The following HELZ2 variants were observed in gnomAD, a reference collection of about 807,000 sequenced individuals.
HELZ2 encodes the protein helicase with zinc finger 2, also known as 3'-5' exoribonuclease HELZ2.
HELZ2 carries 143 observed loss-of-function variants against 208.8 expected under a neutral mutation model. That is an observed-to-expected ratio of 0.68 (90% confidence interval 0.60 to 0.79). The LOEUF is 0.79. HELZ2 is among the 30% of genes least tolerant of loss of function. The pLI is 0.00. For missense variants in HELZ2, 3,690 were observed against 3,794.5 expected (o/e 0.97, Z 0.72); for synonymous variants, 1,705 against 1,693.7 (o/e 1.01, Z -0.16).
At chr20:63,570,431 T>G in intron 3 of HELZ2, 73 bp downstream of exon 4, 6 of 1,239,516 alleles carry the variant, frequency 4.8e-6, no homozygotes, top group Non-Finnish European at 2.3e-6. Context: ...CCCAGGCTGT[T>G]GACGTCTGCC....
chr20:63,563,509 G>C, exon 8 of HELZ2: 3 of 1,514,500 alleles, frequency 2.0e-6, no homozygotes, highest in Non-Finnish European at 2.6e-6. Context: ...AGCCGTAGGG[G>C]ACGGGGCAGG....
chr20:63,559,271 C>T (rs768772158), exon 19 of HELZ2: 20 of 1,579,894 alleles, frequency 1.3e-5, no homozygotes, highest in Admixed American at 5.5e-5. Context: ...TGGCCTCCTG[C>T]AGACGCGCAC....
At chr20:63,567,713 T>G (rs2082978634) in intron 5 of HELZ2, 86 bp from the exon 7 acceptor site, 1 of 1,498,814 alleles carries the variant, frequency 6.7e-7, no homozygotes, top group Non-Finnish European at 8.9e-7. Context: ...CCAGCCGAGC[T>G]GCCCCTGAGC....
chr20:63,565,473 C>T (rs772818912), exon 8 of HELZ2: 3 of 1,607,758 alleles, frequency 1.9e-6, no homozygotes, highest in Non-Finnish European at 2.5e-6. Context: ...TTCCGTAGCG[C>T]AGCCGGGGGC....
rs370613631 is a variant in HELZ2 at position 63,562,397 on chromosome 20, A to G, written c.6303-15T>C. The stretch of plus-strand genomic sequence containing the variant: ...CCTCCTTGCGGCTGGGGGTGAAGGC[A>G]GACACTGGAAAACCAACAGGACTCC... On this transcript the variant is annotated splice_polypyrimidine_tract_variant and intron_variant, in intron 8 of 18. Coordinates refer to ENST00000467148, the Ensembl canonical transcript of HELZ2. The G allele has an allele frequency of 1.3e-6, 2 of 1,569,064 alleles. No individual in the cohort carries two copies. The highest frequency in any genetic ancestry group is 1.4e-5 in the African/African-American group (1 of 73,678).
At chr20:63,569,197 G>A in exon 4 of HELZ2, 1 of 1,550,240 alleles carries the variant, frequency 6.5e-7, no homozygotes, top group South Asian at 1.2e-5. Flanking sequence ...AGAAACTGGT[G>A]CATCCTCTGC....
At chr20:63,562,012 C>T (rs2082893377) in intron 10 of HELZ2, 28 bp from the exon 12 acceptor site, 11 of 1,595,574 alleles carry the variant, frequency 6.9e-6, no homozygotes, top group African/African-American at 1.3e-5. Flanking sequence ...GAGATTGTAG[C>T]CCACCCTGTG....
In HELZ2 at chr20:63,561,577, A is replaced by G. The variant is rs1464670952; in HGVS notation, c.6836+24T>C. On this transcript the variant is annotated intron_variant, in intron 12 of 18. Coordinates refer to ENST00000467148, the Ensembl canonical transcript of HELZ2. ...TGGACAGCTCGGCCCCACTCCGCCC[A>G]AGCCCCAAAGACAGCAGGCACACCT... 28 of 1,589,508 alleles carry G rather than the reference A, an allele frequency of 1.8e-5. No individual in the cohort carries two copies. In the Admixed American group the frequency reaches 2.2e-4, roughly 13 times the overall value.
At chr20:63,567,507 C>G (rs1482826107) in exon 6 of HELZ2, 4 of 1,559,184 alleles carry the variant, frequency 2.6e-6, no homozygotes, top group Middle Eastern at 3.3e-4. Flanking sequence ...AGTACTGCAG[C>G]GTGACTGGGT....
chr20:63,569,756 T>G (rs1166007525), intron 3 of HELZ2, 91 bp from the exon 5 acceptor site: 5 of 1,329,006 alleles, frequency 3.8e-6, no homozygotes, highest in Admixed American at 2.9e-5. Flanking sequence ...AGTGCAGGGT[T>G]CAGGTCCTGG....
exon 6 of HELZ2, chr20:63,566,855 G>A: frequency 6.3e-7 from 1 of 1,598,664 alleles, no homozygotes; most frequent in South Asian, 1.1e-5. Context: ...TGGGCACCGT[G>A]GGAAACGACA....
At chr20:63,570,795 G>A (rs779374441) in exon 2 of HELZ2, 19 of 1,610,816 alleles carry the variant, frequency 1.2e-5, no homozygotes, top group Middle Eastern at 1.7e-4. Flanking sequence ...GCCTGCGTGC[G>A]CCGGACCCAC....
At chr20:63,567,384 G>T in exon 6 of HELZ2, 1 of 1,592,946 alleles carries the variant, frequency 6.3e-7, no homozygotes, top group Non-Finnish European at 8.5e-7. Context: ...AGAAGAAGCC[G>T]ACCGGCACCC....
intron 3 of HELZ2, chr20:63,570,012 G>A (rs927929246): frequency 3.7e-5 from 17 of 455,032 alleles, no homozygotes; most frequent in Non-Finnish European, 6.9e-5. Flanking sequence ...GCAATGGCGC[G>A]ATCTCAACTC....
At chr20:63,561,918 A>T in exon 11 of HELZ2, 1 of 1,594,660 alleles carries the variant, frequency 6.3e-7, no homozygotes, top group Non-Finnish European at 8.5e-7. Flanking sequence ...TCCGGGCTGC[A>T]CCTGCTCCTG....
At chr20:63,573,754 T>G (rs1004836484), upstream of HELZ2, among the ~76,000 whole-genome samples, 8 of 148,370 alleles carry the variant, frequency 5.4e-5, no homozygotes, top group African/African-American at 1.9e-4. The surrounding 1 kb of genome is among the most constrained non-coding windows in gnomAD (Gnocchi z 4.9). Context: ...GAGCTCAGGG[T>G]GCCAGGAAGA....
At chr20:63,563,953 G>A in exon 8 of HELZ2, 2 of 1,596,252 alleles carry the variant, frequency 1.3e-6, no homozygotes, top group Non-Finnish European at 1.7e-6. Context: ...TGTCGTCCGT[G>A]GTGACCAAGT....
chr20:63,565,047 C>A, exon 8 of HELZ2: 1 of 1,564,690 alleles, frequency 6.4e-7, no homozygotes, highest in Non-Finnish European at 8.7e-7. Context: ...CTGTGCCGGG[C>A]CTCGGCGGTG....
exon 8 of HELZ2, chr20:63,565,527 C>G (rs747724774): frequency 6.2e-7 from 1 of 1,606,394 alleles, no homozygotes; most frequent in Non-Finnish European, 8.5e-7. Context: ...TCGGGCCTGG[C>G]GACAGTGTCC....
Sources: gnomAD v4.1 joint callset for allele counts (sites outside exome capture counted in the v4.1 genomes callset) on GRCh38, gnomAD v4.1.1 for gene constraint, Gnocchi (gnomAD v3.1) non-coding constraint, MANE v1.5 for transcripts, NCBI Gene and HGNC (gene_info 2026-07-23, HGNC 2026-07-21) for gene names.